The following CLIP2 variants were observed in gnomAD, a reference collection of about 807,000 sequenced individuals.
CLIP2 encodes CAP-Gly domain-containing linker protein 2.
In CLIP2, 41 loss-of-function variants were observed where a neutral mutation model predicts 111.7. The ratio of observed to expected loss-of-function variants is 0.37; its 90% confidence interval spans 0.29 to 0.48. The LOEUF is 0.48. CLIP2 is among the 20% of genes least tolerant of loss of function. CLIP2 has a pLI of 0.99. For missense variants in CLIP2, 1,160 were observed against 1,422.1 expected (o/e 0.82, Z 2.96); for synonymous variants, 660 against 644.2 (o/e 1.02, Z -0.37).
Position 74,376,449 on chromosome 7 carries a change from A to G in CLIP2, c.2048A>G (p.Glu683Gly). 1 of 1,613,902 alleles carries G rather than the reference A, an allele frequency of 6.2e-7. No homozygotes were observed. The highest frequency in any genetic ancestry group is 8.5e-7 in the Non-Finnish European group (1 of 1,179,990). ...LETAMHVKEKEALREKLQEAQ... is the reference protein window; with the variant it reads ...LETAMHVKEKGALREKLQEAQ... ...ACCGCCATGCACGTGAAGGAGAAGG[A>G]GGCCCTGCGAGAGAAGCTGCAGGAG... The change falls in exon 10 of 17, where the codon GAG (glutamate) becomes GGG (glycine). Residue 683 changes from glutamate to glycine, a missense_variant. By Grantham distance (98) the Glu-to-Gly change is moderately conservative. Coordinates refer to ENST00000223398, the MANE Select transcript of CLIP2 (RefSeq NM_003388.5). This position sits in a 1 kb window ranked among gnomAD's most constrained non-coding sequence, Gnocchi z 7.1.
At chr7:74,369,537 C>T (rs2116637776) in intron 8 of CLIP2, among the ~76,000 whole-genome samples, 1 of 151,090 alleles carries the variant, frequency 6.6e-6, no homozygotes, top group Admixed American at 6.6e-5. Flanking sequence ...AGCAAGACCC[C>T]ATCTCTAAAA....
At chr7:74,337,720 T>C (rs1166105421) in intron 2 of CLIP2, among the ~76,000 whole-genome samples, 1 of 152,054 alleles carries the variant, frequency 6.6e-6, no homozygotes, top group East Asian at 1.9e-4. Context: ...CTTAGCCTCC[T>C]CACTAGCTGG....
chr7:74,375,058 CAAAA>C (rs200111343), intron 9 of CLIP2, among the ~76,000 whole-genome samples: 1 of 149,106 alleles, frequency 6.7e-6, no homozygotes, highest in African/African-American at 2.5e-5. Context: ...AGAATGTTAA[CAAAA>C]AAAAAATTTC....
At chr7:74,383,801 C>G (rs967373355) in intron 11 of CLIP2, among the ~76,000 whole-genome samples, 2 of 152,016 alleles carry the variant, frequency 1.3e-5, no homozygotes, top group African/African-American at 4.8e-5. Context: ...ATGGCGAAAA[C>G]CCATCTCTAC....
At chr7:74,311,735 C>T (rs1410075307) in intron 1 of CLIP2, among the ~76,000 whole-genome samples, 1 of 151,286 alleles carries the variant, frequency 6.6e-6, no homozygotes, top group Non-Finnish European at 1.5e-5. Context: ...TGTAGCTAGA[C>T]CCAGTCTCTA....
chr7:74,372,433 G>A (rs1411068292), intron 8 of CLIP2, among the ~76,000 whole-genome samples: 3 of 147,404 alleles, frequency 2.0e-5, no homozygotes, highest in East Asian at 2.0e-4. Flanking sequence ...CGGGAATCCC[G>A]GGGTCCTTTA....
intron 1 of CLIP2, among the ~76,000 whole-genome samples, chr7:74,305,721 T>C (rs1457675850): frequency 4.6e-5 from 7 of 152,146 alleles, no homozygotes; most frequent in Non-Finnish European, 7.4e-5. Context: ...CTTGAACTCC[T>C]GACCTCAGGT....
intron 13 of CLIP2, among the ~76,000 whole-genome samples, chr7:74,392,653 C>A (rs1791325473): frequency 1.3e-5 from 2 of 151,984 alleles, no homozygotes; most frequent in Non-Finnish European, 1.5e-5. Context: ...ATGATGAAAC[C>A]CCATATCTAC....
intron 2 of CLIP2, among the ~76,000 whole-genome samples, chr7:74,326,118 T>G (rs1279003294): frequency 1.3e-5 from 2 of 152,062 alleles, no homozygotes; most frequent in African/African-American, 2.4e-5. Context: ...CACATGCCTG[T>G]AATCCCAGCT....
intron 2 of CLIP2, among the ~76,000 whole-genome samples, chr7:74,318,731 G>A (rs1474628263): frequency 3.3e-5 from 5 of 152,048 alleles, no homozygotes; most frequent in East Asian, 1.9e-4. Flanking sequence ...AATGACGATC[G>A]TTTGTTACTT....
At chr7:74,366,340 G>A (rs782519982) in intron 8 of CLIP2, among the ~76,000 whole-genome samples, 1 of 151,982 alleles carries the variant, frequency 6.6e-6, no homozygotes, top group Non-Finnish European at 1.5e-5. Context: ...TCCCAGGTCC[G>A]TTCACCCCTT....
chr7:74,306,268 G>A (rs1210023107), intron 1 of CLIP2, among the ~76,000 whole-genome samples: 2 of 152,180 alleles, frequency 1.3e-5, no homozygotes, highest in Non-Finnish European at 2.9e-5. Flanking sequence ...GCCTGATTGT[G>A]GGGACTGCGG....
intron 10 of CLIP2, among the ~76,000 whole-genome samples, chr7:74,379,330 A>G (rs1554313502): frequency 4.4e-5 from 6 of 136,118 alleles, no homozygotes; most frequent in Admixed American, 1.4e-4. Context: ...CTCCGTCTGG[A>G]AAAAAAAAAA....
intron 2 of CLIP2, among the ~76,000 whole-genome samples, chr7:74,334,157 C>T (rs1210950966): frequency 6.6e-6 from 1 of 152,172 alleles, no homozygotes; most frequent in Non-Finnish European, 1.5e-5. Context: ...ACTGATGACT[C>T]CCTGGAGGGA....
intron 3 of CLIP2, among the ~76,000 whole-genome samples, chr7:74,349,604 C>G (rs1409932024): frequency 6.7e-6 from 1 of 150,186 alleles, no homozygotes; most frequent in Non-Finnish European, 1.5e-5. Flanking sequence ...AAGCCAGACA[C>G]AAATGGCCAC....
intron 12 of CLIP2, 113 bp downstream of exon 12, chr7:74,386,717 C>A (rs745828968): frequency 1.3e-6 from 1 of 744,084 alleles, no homozygotes; most frequent in Admixed American, 3.5e-5. Flanking sequence ...CCCTCCCCGA[C>A]TCTGCTTTGA....
At chr7:74,316,231 C>T (rs1002456188) in intron 1 of CLIP2, among the ~76,000 whole-genome samples, 1 of 151,824 alleles carries the variant, frequency 6.6e-6, no homozygotes, top group Non-Finnish European at 1.5e-5. Context: ...TTTACGACTG[C>T]ATTTTTTTGT....
chr7:74,330,093 A>G (rs561809284), intron 2 of CLIP2, among the ~76,000 whole-genome samples: 4 of 146,886 alleles, frequency 2.7e-5, no homozygotes, highest in Admixed American at 6.9e-5. Flanking sequence ...TTTATTTTCT[A>G]TTATTTTTAC....
chr7:74,290,249 G>A (rs1170269714), intron 1 of CLIP2, among the ~76,000 whole-genome samples: 1 of 152,256 alleles, frequency 6.6e-6, no homozygotes, highest in Non-Finnish European at 1.5e-5. Flanking sequence ...TACACCCTCT[G>A]GGGTCGCCTG....
Sources: allele counts gnomAD v4.1 joint callset (sites outside exome capture counted in the v4.1 genomes callset), GRCh38; gene constraint gnomAD v4.1.1; non-coding constraint Gnocchi (gnomAD v3.1); transcripts MANE v1.5; gene names NCBI Gene and HGNC (gene_info 2026-07-23, HGNC 2026-07-21).